The following RBM5 variants were observed in gnomAD, a reference collection of about 807,000 sequenced individuals.
The protein encoded by RBM5 is RNA binding motif protein 5.
RBM5 carries 15 observed loss-of-function variants against 124.6 expected under a neutral mutation model. The observed-to-expected ratio is 0.12, with a 90% confidence interval of 0.08 to 0.19. RBM5 has a LOEUF of 0.19. Among genes scored for constraint, RBM5 ranks in the 10% least tolerant of loss-of-function variants. RBM5 has a pLI of 1.00. For synonymous variants in RBM5, 337 were observed against 361.2 expected (o/e 0.93, Z 0.76); for missense variants, 580 against 1,026.5 (o/e 0.57, Z 5.94).
At chr3:50,108,341 G>C (rs775144041) in intron 14 of RBM5, 37 bp downstream of exon 14, 2 of 1,525,538 alleles carry the variant, frequency 1.3e-6, no homozygotes, top group African/African-American at 2.7e-5. Context: ...TTTTGTTTAA[G>C]CACTTACAGT....
intron 12 of RBM5, 86 bp downstream of exon 12, chr3:50,107,655 A>G: frequency 8.5e-6 from 3 of 353,226 alleles, no homozygotes; most frequent in Non-Finnish European, 1.7e-5. Flanking sequence ...TACTCGCAGT[A>G]TGAGCTCTTT....
chr3:50,116,119 T>A (rs1263109315), intron 22 of RBM5, 139 bp downstream of exon 22: 2 of 793,046 alleles, frequency 2.5e-6, no homozygotes, highest in Non-Finnish European at 4.2e-6. Flanking sequence ...TTGTAGTTCA[T>A]GTAGCCTAGA....
intron 21 of RBM5, 119 bp downstream of exon 21, chr3:50,115,726 G>A: frequency 4.6e-6 from 6 of 1,317,088 alleles, no homozygotes; most frequent in Non-Finnish European, 5.3e-6. Context: ...CTTACAGAAA[G>A]CTGTTCCCGA....
At position 50,095,648 on chromosome 3, in the gene RBM5, A is replaced by G. The variant is rs146626668; in HGVS notation, c.339+1773A>G. Reference sequence around the variant, plus strand: ...GACGCCTGTATGTAAAGCCTGATCTATCGGGCAGAGCTTCTTCTTCGTTAT... The same window carrying G: ...GACGCCTGTATGTAAAGCCTGATCTGTCGGGCAGAGCTTCTTCTTCGTTAT... On this transcript the variant is annotated intron_variant, in intron 4 of 24. Transcript: ENST00000347869. Among the ~76,000 whole-genome samples, 222 of 151,912 alleles carry G rather than the reference A, an allele frequency of 1.5e-3. 2 individuals carry two copies. Among genetic ancestry groups the G allele is most frequent in the African/African-American group, 5.1e-3 (211 of 41,394 alleles).
At chr3:50,107,974 C>T (rs542527287) in intron 12 of RBM5, 96 bp from the exon 13 acceptor site, 2 of 1,062,382 alleles carry the variant, frequency 1.9e-6, no homozygotes, top group African/African-American at 3.1e-5. Context: ...CCGTGAGCCA[C>T]AGCGCCCAGC....
At chr3:50,101,675 A>C (rs2090942831) in intron 6 of RBM5, 1 of 152,232 alleles carries the variant, frequency 6.6e-6, no homozygotes, top group Admixed American at 6.5e-5. Context: ...TGTTTGATGC[A>C]GTGGATATGT....
In RBM5 at chr3:50,090,678, G is replaced by A. The variant is rs370371192; in HGVS notation, c.17+227G>A. The stretch of plus-strand genomic sequence containing the variant: ...TGCTCTTAGAACACATAGGAAGTAT[G>A]TCTTTTTCTTGTTCACAGCCAGGAA... On this transcript the variant is annotated intron_variant, in intron 2 of 24. Transcript: ENST00000347869. 3.9e-4 allele frequency among the ~76,000 whole-genome samples: 60 copies of A among 152,280 alleles called. 2 individuals are homozygous for A. The South Asian group carries it at 7.7e-3, about 19-fold the overall frequency.
chr3:50,115,367 C>T (rs375244416), intron 20 of RBM5, 61 bp from the exon 21 acceptor site: 2 of 1,564,116 alleles, frequency 1.3e-6, no homozygotes, highest in Non-Finnish European at 8.7e-7. Context: ...TATCCAGGTA[C>T]ATAGCCACCG....
intron 24 of RBM5, 117 bp from the exon 25 acceptor site, chr3:50,118,214 A>T: frequency 1.5e-6 from 2 of 1,368,064 alleles, no homozygotes; most frequent in African/African-American, 1.5e-5. Flanking sequence ...GTCTTCATAT[A>T]CAGTTTTCTC....
At chr3:50,116,788 A>G in intron 22 of RBM5, 1 of 409,802 alleles carries the variant, frequency 2.4e-6, no homozygotes, top group Non-Finnish European at 4.6e-6. Flanking sequence ...CCCACTGCCC[A>G]GTGGGCTGGT....
chr3:50,093,978 G>T, intron 4 of RBM5, 103 bp downstream of exon 4: 1 of 1,315,720 alleles, frequency 7.6e-7, no homozygotes, highest in Non-Finnish European at 1.1e-6. Context: ...AGCCAATAGA[G>T]GTTGAGTATC....
At chr3:50,091,934 A>G (rs953375408) in intron 2 of RBM5, 109 bp from the exon 3 acceptor site, 34 of 1,045,618 alleles carry the variant, frequency 3.3e-5, no homozygotes, top group African/African-American at 1.6e-4. Flanking sequence ...ACTTTAAACT[A>G]TTTGGATTAT....
In RBM5 at chr3:50,115,759, G is replaced by C. The variant is rs1164369398; in HGVS notation, c.2020-147G>C. Reference sequence around the variant, plus strand: ...CGATGACAGTGGACGGAGTCTGGCAGCTCCACACACATCAAACTATAGTTT... The same window carrying C: ...CGATGACAGTGGACGGAGTCTGGCACCTCCACACACATCAAACTATAGTTT... On this transcript the variant is annotated intron_variant, in intron 21 of 24. Coordinates refer to ENST00000347869, the MANE Select transcript of RBM5 (RefSeq NM_005778.4). The C allele has an allele frequency of 3.6e-5, 43 of 1,186,426 alleles. No homozygotes were observed. The South Asian group carries it at 4.7e-4, about 13-fold the overall frequency. 73.5% of individuals were successfully genotyped at this position (1,186,426 alleles called of 1,614,324 possible).
chr3:50,110,150 G>T (rs1472455653), intron 15 of RBM5, among the ~76,000 whole-genome samples: 1 of 152,242 alleles, frequency 6.6e-6, no homozygotes, highest in Non-Finnish European at 1.5e-5. Flanking sequence ...GACGGAGGTT[G>T]CAGTGAGCCA....
chr3:50,110,621 T>A, intron 16 of RBM5, 58 bp from the exon 17 acceptor site: 1 of 1,529,950 alleles, frequency 6.5e-7, no homozygotes, highest in South Asian at 1.1e-5. Flanking sequence ...GGCTTAGAAT[T>A]TGAAATAAAG....
At chr3:50,115,385 C>A (rs550772753) in intron 20 of RBM5, 43 bp from the exon 21 acceptor site, 11 of 1,593,614 alleles carry the variant, frequency 6.9e-6, no homozygotes, top group Admixed American at 5.7e-5. Flanking sequence ...CCGCCATCTT[C>A]CTATTGTACA....
intron 4 of RBM5, among the ~76,000 whole-genome samples, chr3:50,098,242 C>G (rs2090862604): frequency 6.6e-6 from 1 of 151,112 alleles, no homozygotes; most frequent in South Asian, 2.1e-4. Context: ...TCCACTGCCT[C>G]TTTTAAATCT....
At chr3:50,092,002 A>T (rs925142328) in intron 2 of RBM5, 41 bp from the exon 3 acceptor site, 20 of 1,599,130 alleles carry the variant, frequency 1.3e-5, no homozygotes, top group Non-Finnish European at 1.7e-5. Flanking sequence ...AAAGGTACAA[A>T]ATGTGACTGA....
chr3:50,108,259 C>G lies in RBM5; in HGVS notation c.1147C>G (p.Gln383Glu), dbSNP rs752312446. 1 of 1,613,454 alleles carries G rather than the reference C, an allele frequency of 6.2e-7. No individual in the cohort carries two copies. The highest frequency in any genetic ancestry group is 2.2e-5 in the East Asian group (1 of 44,882). The change falls in exon 14 of 25, where the codon CAA becomes GAA. Residue 383 changes from glutamine to glutamate, a missense_variant. By Grantham distance (29) the Gln-to-Glu change is conservative. This residue lies in a region of RBM5 where 104 missense variants were observed against 128.7 expected (regional missense o/e 0.81). Transcript: ENST00000347869. Reference sequence around the variant, plus strand: ...TTCACAGGATTATCAGCAGTTTTATCAACAACAAGCTGGAGGATTGGAATC... The same window carrying G: ...TTCACAGGATTATCAGCAGTTTTATGAACAACAAGCTGGAGGATTGGAATC... ...QYSQDYQQFY[Q>E]QQAGGLESDA...
Sources: allele counts gnomAD v4.1 joint callset (sites outside exome capture counted in the v4.1 genomes callset), GRCh38; gene constraint gnomAD v4.1.1; regional missense constraint gnomAD v4.1.1; transcripts MANE v1.5; gene names NCBI Gene and HGNC (gene_info 2026-07-23, HGNC 2026-07-21).